Variants in SLC24A4 observed in about 807,000 individuals in gnomAD.
SLC24A4 encodes the protein sodium/potassium/calcium exchanger 4.
Under a neutral mutation model 79.0 loss-of-function variants are expected in SLC24A4, and 53 were observed. The ratio of observed to expected loss-of-function variants is 0.67; its 90% CI spans 0.54 to 0.84. The LOEUF (loss-of-function observed/expected upper bound fraction) is 0.84. Ranked by LOEUF, SLC24A4 falls within the 40% of genes least tolerant of loss-of-function variation. The pLI is 0.00. For synonymous variants in SLC24A4, 323 were observed against 323.8 expected, an observed-to-expected ratio of 1.00 and a Z score of 0.03; for missense variants, 731 against 822.0, an observed-to-expected ratio of 0.89 and a Z score of 1.35.
chr14:92,339,982 A>T (rs1405719278), intron 2 of SLC24A4, among the ~76,000 whole-genome samples: 11 of 152,216 alleles, frequency 7.2e-5, no homozygotes, highest in Admixed American at 6.5e-4. Flanking sequence ...AGGTCTTAGC[A>T]GATGCTAGAG....
intron 2 of SLC24A4, among the ~76,000 whole-genome samples, chr14:92,340,315 A>G (rs753245501): frequency 5.3e-5 from 8 of 152,254 alleles, no homozygotes; most frequent in Non-Finnish European, 1.0e-4. Flanking sequence ...TAATCACTGC[A>G]TGTGACCTGG....
intron 13 of SLC24A4, chr14:92,485,037 G>A (rs1453890068): frequency 3.1e-6 from 1 of 326,738 alleles, no homozygotes; most frequent in African/African-American, 2.2e-5. Flanking sequence ...GGTTGCTCAT[G>A]ACAGTAAATA....
intron 12 of SLC24A4, among the ~76,000 whole-genome samples, chr14:92,470,224 TG>T (rs1430054785): frequency 6.6e-6 from 1 of 152,206 alleles, no homozygotes; most frequent in African/African-American, 2.4e-5. Context: ...GTGAGTGTGG[TG>T]ATCTAACAGG....
intron 2 of SLC24A4, among the ~76,000 whole-genome samples, chr14:92,379,491 C>A (rs1208061753): frequency 2.6e-5 from 4 of 152,048 alleles, no homozygotes; most frequent in Non-Finnish European, 4.4e-5. Context: ...GGGGAAGGAC[C>A]CGGCTTCAGC....
intron 2 of SLC24A4, among the ~76,000 whole-genome samples, chr14:92,401,353 G>A (rs1015936771): frequency 6.6e-6 from 1 of 152,144 alleles, no homozygotes; most frequent in Non-Finnish European, 1.5e-5. Context: ...TGTCTCTTTA[G>A]TATGATAATA....
At chr14:92,393,096 T>C (rs1889575010) in intron 2 of SLC24A4, among the ~76,000 whole-genome samples, 1 of 152,218 alleles carries the variant, frequency 6.6e-6, no homozygotes, top group Non-Finnish European at 1.5e-5. Flanking sequence ...TGAGATCACA[T>C]AGGAGGCGTC....
intron 2 of SLC24A4, among the ~76,000 whole-genome samples, chr14:92,424,232 C>T (rs1034125001): frequency 6.6e-6 from 1 of 152,102 alleles, no homozygotes. Context: ...TCTCTAAGTT[C>T]GTGTGAAGTG....
At position 92,398,607 on chromosome 14, in the gene SLC24A4, C is replaced by G. The variant is rs563737447; in HGVS notation, c.242-35305C>G. On this transcript the variant is annotated intron_variant, in intron 2 of 16. Coordinates refer to ENST00000532405, the MANE Select transcript of SLC24A4 (RefSeq NM_153646.4). The surrounding 1 kb of genome is among the most constrained non-coding windows in gnomAD (Gnocchi z 4.1). ...CTCCCAGGACCACACCTGGCCAGGG[C>G]TGCTGGGACAGGCTCCTTCACATCT... is the stretch of plus-strand genomic sequence containing the variant. 1.3e-5 allele frequency among the ~76,000 whole-genome samples: 2 copies of G among 152,208 alleles called. No individual in the cohort carries two copies. Among genetic ancestry groups the G allele is most frequent in the South Asian group, 2.1e-4 (1 of 4,826 alleles).
At chr14:92,440,979 T>C (rs1476712832) in intron 4 of SLC24A4, among the ~76,000 whole-genome samples, 2 of 152,076 alleles carry the variant, frequency 1.3e-5, no homozygotes, top group African/African-American at 4.8e-5. Flanking sequence ...GGAGATCCTT[T>C]GGTGGCAGAG....
intron 2 of SLC24A4, among the ~76,000 whole-genome samples, chr14:92,427,422 C>T (rs1891624178): frequency 6.6e-6 from 1 of 152,254 alleles, no homozygotes; most frequent in Non-Finnish European, 1.5e-5. Context: ...CGTGCAGGGC[C>T]TTGAAGGCCA....
rs774671782 is a variant in SLC24A4, at chr14:92,323,862, A to T, written c.32A>T (p.Lys11Ile). 3 of 1,598,970 alleles carry T rather than the reference A, an allele frequency of 1.9e-6. No homozygotes were observed. The highest frequency in any genetic ancestry group is 2.5e-6 in the Non-Finnish European group (3 of 1,178,216). Residue 11 changes from lysine to isoleucine, a missense_variant, in exon 1 of 17, where the codon AAA (lysine) becomes ATA (isoleucine). Transcript: ENST00000532405. This position sits in a 1 kb window ranked among gnomAD's most constrained non-coding sequence, Gnocchi z 4.9. ...CTCCGCGGGACCCTCCGGCCGCTCA[A>T]AGTTCGCAGGAGGCGAGAGATGCTG... MALRGTLRPL[K>I]VRRRREMLPQ...
intron 13 of SLC24A4, among the ~76,000 whole-genome samples, chr14:92,485,590 C>A (rs1011184248): frequency 9.2e-5 from 14 of 151,638 alleles, no homozygotes; most frequent in Non-Finnish European, 1.6e-4. Context: ...AATTAAAGGC[C>A]AGTTCATCTT....
chr14:92,428,357 A>G (rs1016005156), intron 2 of SLC24A4, among the ~76,000 whole-genome samples: 1 of 152,150 alleles, frequency 6.6e-6, no homozygotes, highest in Non-Finnish European at 1.5e-5. Context: ...GCTCCTCCAA[A>G]TGAGAAGTAG....
In SLC24A4 at chr14:92,439,418, A is replaced by G; in HGVS notation, c.393+9A>G. The G allele has an allele frequency of 6.2e-7, 1 of 1,611,466 alleles. No individual in the cohort carries two copies. The highest frequency in any genetic ancestry group is 8.5e-7 in the Non-Finnish European group (1 of 1,177,716). On this transcript the variant is annotated intron_variant, in intron 4 of 16. Coordinates refer to ENST00000532405, the MANE Select transcript of SLC24A4 (RefSeq NM_153646.4). ...TAGAGAAGATCTGTGAGGTATGTGGAAGGGACTTGGGACACCTTGGTGAAG... is the reference window on the plus strand; with the variant it reads ...TAGAGAAGATCTGTGAGGTATGTGGGAGGGACTTGGGACACCTTGGTGAAG...
intron 2 of SLC24A4, among the ~76,000 whole-genome samples, chr14:92,348,501 C>A (rs1379367631): frequency 6.6e-6 from 1 of 152,228 alleles, no homozygotes. Context: ...GGGCCATAGT[C>A]TGCTGATCCT....
Position 92,433,979 on chromosome 14 carries a change from C to T in SLC24A4, c.309C>T (p.His103=). Residue 103 remains histidine (H), a synonymous_variant, in exon 3 of 17, where the codon CAC becomes CAT. Coordinates refer to ENST00000532405, the MANE Select transcript of SLC24A4 (RefSeq NM_153646.4). ...GACAGCACGGAGCCGTCCTGCTGCA[C>T]ATCCTTGGTGTAAGTCGTCCTCCCA... ...KERQHGAVLL[H]ILGALYMFYA... 2.5e-6 allele frequency: 4 copies of T among 1,614,068 alleles called. No homozygotes were observed. The highest frequency in any genetic ancestry group is 1.1e-5 in the South Asian group (1 of 91,078).
intron 2 of SLC24A4, among the ~76,000 whole-genome samples, chr14:92,385,447 A>C (rs1466443130): frequency 6.6e-6 from 1 of 151,810 alleles, no homozygotes; most frequent in Non-Finnish European, 1.5e-5. Context: ...CAATGAGCCT[A>C]GACTGTACCA....
chr14:92,340,462 G>T (rs1299815582), intron 2 of SLC24A4, among the ~76,000 whole-genome samples: 1 of 152,250 alleles, frequency 6.6e-6, no homozygotes, highest in African/African-American at 2.4e-5. Flanking sequence ...CTTGGTGATT[G>T]CAGTAATAGG....
chr14:92,332,785 C>T (rs1885552858), intron 2 of SLC24A4, among the ~76,000 whole-genome samples: 1 of 152,160 alleles, frequency 6.6e-6, no homozygotes, highest in Non-Finnish European at 1.5e-5. Context: ...ATATGCTCAA[C>T]CCAAAGATGA....
Sources: allele counts gnomAD v4.1 joint callset (sites outside exome capture counted in the v4.1 genomes callset), GRCh38; gene constraint gnomAD v4.1.1; non-coding constraint Gnocchi (gnomAD v3.1); transcripts MANE v1.5; gene names NCBI Gene and HGNC (gene_info 2026-07-23, HGNC 2026-07-21).